The following RPAP3 variants were observed in gnomAD, a reference collection of about 807,000 sequenced individuals.
RPAP3 encodes RNA polymerase II-associated protein 3.
In RPAP3, 58 loss-of-function variants were observed where a neutral mutation model predicts 88.8. That is an observed-to-expected ratio of 0.65 (90% CI 0.53 to 0.81). RPAP3 has a LOEUF of 0.81. Ranked by LOEUF, RPAP3 falls within the 40% of genes least tolerant of loss-of-function variation. RPAP3 has a pLI of 0.00. For synonymous variants in RPAP3, 255 were observed against 259.9 expected, an observed-to-expected ratio of 0.98 and a Z score of 0.18; for missense variants, 751 against 764.3, an observed-to-expected ratio of 0.98 and a Z score of 0.20.
chr12:47,702,801 C>T lies in RPAP3; in HGVS notation c.40G>A (p.Val14Met). 6.2e-7 allele frequency: 1 copy of T among 1,613,134 alleles called. No homozygotes were observed. Among genetic ancestry groups the T allele is most frequent in the East Asian group, 2.2e-5 (1 of 44,780 alleles). Residue 14 changes from valine (V) to methionine (M), a missense_variant, in exon 2 of 17, where the codon GTG (valine) becomes ATG (methionine). Physicochemically the swap from Val to Met is conservative, Grantham distance 21. Transcript: ENST00000005386. ...ANKAIELQLQ[V>M]KQNAEELQDF... ...TGTAATTCTTCTGCATTTTGTTTCA[C>T]TTGTAGTTGTAATTCGATTGCTTTA...
chr12:47,679,422 A>G (rs1939179348), intron 12 of RPAP3, 71 bp downstream of exon 12: 1 of 991,626 alleles, frequency 1.0e-6, no homozygotes, highest in Middle Eastern at 2.1e-4. Context: ...TATTAATACA[A>G]TAGTTGGTTT....
intron 12 of RPAP3, among the ~76,000 whole-genome samples, chr12:47,671,356 GAGA>G (rs1237851071): frequency 2.0e-5 from 3 of 152,158 alleles, no homozygotes; most frequent in Non-Finnish European, 4.4e-5. Flanking sequence ...CTTTAGAAAA[GAGA>G]AGAAAACTTT....
intron 12 of RPAP3, among the ~76,000 whole-genome samples, chr12:47,675,725 G>A (rs981769249): frequency 2.0e-5 from 3 of 152,106 alleles, no homozygotes; most frequent in Non-Finnish European, 2.9e-5. Flanking sequence ...CCCAATACAG[G>A]AGCACTCAGA....
At position 47,697,453 on chromosome 12, in the gene RPAP3, A is replaced by T. The variant is rs541572854; in HGVS notation, c.417+144T>A. The T allele has an allele frequency of 7.7e-6, 5 of 648,970 alleles. No homozygotes were observed. The Admixed American group carries it at 1.9e-4, about 24-fold the overall frequency. The allele number at this position is 648,970 out of a possible 1,614,324, so 40.2% of individuals were successfully genotyped here. ...AGCATGTACTCCTAACCACCATGTT[A>T]CAATGCCTCCAGAGAGGGATGTAGC... is the stretch of plus-strand genomic sequence containing the variant. On this transcript the variant is annotated intron_variant, in intron 4 of 16. Transcript: ENST00000005386.
At chr12:47,675,219 G>C (rs1939086242) in intron 12 of RPAP3, among the ~76,000 whole-genome samples, 1 of 152,140 alleles carries the variant, frequency 6.6e-6, no homozygotes, top group Admixed American at 6.5e-5. Context: ...TCACCACCCG[G>C]CTTGCCTTAC....
chr12:47,704,187 G>C (rs1939720683), intron 1 of RPAP3, among the ~76,000 whole-genome samples: 2 of 152,120 alleles, frequency 1.3e-5, no homozygotes, highest in Non-Finnish European at 2.9e-5. Flanking sequence ...AACACTAAAC[G>C]GAGAAAGAGA....
chr12:47,683,104 C>T (rs1173591882), intron 9 of RPAP3, among the ~76,000 whole-genome samples: 1 of 152,076 alleles, frequency 6.6e-6, no homozygotes, highest in Non-Finnish European at 1.5e-5. Flanking sequence ...GAACACTTGA[C>T]CTGTTTCCTG....
At chr12:47,669,500 T>A (rs1474663614) in intron 13 of RPAP3, among the ~76,000 whole-genome samples, 1 of 152,142 alleles carries the variant, frequency 6.6e-6, no homozygotes, top group African/African-American at 2.4e-5. Context: ...TATAGTATTG[T>A]CCCATGATCT....
chr12:47,686,942 A>C (rs767778649), intron 8 of RPAP3, 35 bp from the exon 9 acceptor site: 28 of 1,317,756 alleles, frequency 2.1e-5, no homozygotes, highest in Non-Finnish European at 2.7e-5. Context: ...AGAATAAAAA[A>C]AAAATTTCAA....
chr12:47,698,449 T>C (rs1181322468), intron 3 of RPAP3, among the ~76,000 whole-genome samples: 3 of 152,218 alleles, frequency 2.0e-5, no homozygotes, highest in Non-Finnish European at 2.9e-5. Context: ...AATAATTTCA[T>C]AGACCTCCAC....
intron 9 of RPAP3, among the ~76,000 whole-genome samples, chr12:47,684,067 T>G (rs1241020763): frequency 1.3e-5 from 2 of 152,218 alleles, no homozygotes; most frequent in Non-Finnish European, 2.9e-5. Flanking sequence ...TCTTGGTCAG[T>G]CCTCTTCAAG....
Position 47,686,878 on chromosome 12 carries a change from A to T in RPAP3, c.894T>A (p.Tyr298Ter), listed in dbSNP as rs567025650. 1 of 1,602,102 alleles carries T rather than the reference A, an allele frequency of 6.2e-7. No homozygotes were observed. The highest frequency in any genetic ancestry group is 8.5e-7 in the Non-Finnish European group (1 of 1,172,742). ...RGNGFFKEGKYERAIECYTRG... is the reference protein window; with the variant it reads ...RGNGFFKEGK Reference sequence around the variant, plus strand: ...GAGTATAGCATTCAATTGCTCTTTCATATTTCCCCTCTTTGAAAAATCCAT... The same window carrying T: ...GAGTATAGCATTCAATTGCTCTTTCTTATTTCCCCTCTTTGAAAAATCCAT... The change falls in exon 9 of 17, where the codon TAT (tyrosine) becomes TAA (stop). Residue 298 changes from tyrosine (Y) to a stop codon, truncating the protein, a stop_gained. Transcript: ENST00000005386. LOFTEE classifies it high-confidence loss of function.
intron 1 of RPAP3, among the ~76,000 whole-genome samples, chr12:47,703,734 A>G (rs532764789): frequency 2.0e-5 from 3 of 152,182 alleles, no homozygotes; most frequent in Non-Finnish European, 4.4e-5. Flanking sequence ...AAGAAAATTA[A>G]AGAGGTGGAC....
intron 15 of RPAP3, 27 bp downstream of exon 15, chr12:47,667,727 T>C: frequency 1.5e-6 from 2 of 1,322,540 alleles, no homozygotes; most frequent in Admixed American, 1.9e-5. Context: ...GAGGACTTAC[T>C]GTATAACTAA....
chr12:47,663,765 T>C (rs1397502828), intron 16 of RPAP3, among the ~76,000 whole-genome samples, 175 bp from the exon 17 acceptor site: 1 of 152,220 alleles, frequency 6.6e-6, no homozygotes, highest in Non-Finnish European at 1.5e-5. Context: ...CAAAATTATA[T>C]AGCAATCCAA....
At chr12:47,664,486 TTA>T (rs1382300318) in intron 16 of RPAP3, 1 of 152,182 alleles carries the variant, frequency 6.6e-6, no homozygotes, top group African/African-American at 2.4e-5. Context: ...AAAACACTGT[TTA>T]TAGTTCATGC....
At chr12:47,679,877 C>A in intron 10 of RPAP3, 103 bp from the exon 11 acceptor site, 2 of 804,176 alleles carry the variant, frequency 2.5e-6, no homozygotes, top group Non-Finnish European at 4.0e-6. Context: ...ACATTTTTAG[C>A]TCAAGCAGTT....
chr12:47,691,967 G>A (rs1028096307), intron 5 of RPAP3, among the ~76,000 whole-genome samples: 26 of 152,030 alleles, frequency 1.7e-4, no homozygotes, highest in African/African-American at 3.4e-4. Context: ...GGATGGTCTC[G>A]ATCTCCTGAC....
chr12:47,697,177 C>G (rs1939550061), intron 4 of RPAP3, among the ~76,000 whole-genome samples: 2 of 152,160 alleles, frequency 1.3e-5, no homozygotes, highest in African/African-American at 4.8e-5. Flanking sequence ...CCAAAGATAG[C>G]CTTTGATACC....
Sources: gnomAD v4.1 joint callset for allele counts (sites outside exome capture counted in the v4.1 genomes callset) on GRCh38, gnomAD v4.1.1 for gene constraint, MANE v1.5 for transcripts, NCBI Gene and HGNC (gene_info 2026-07-23, HGNC 2026-07-21) for gene names.